The following COL2A1 variants were observed in gnomAD, a reference collection of about 807,000 sequenced individuals.
COL2A1 encodes the protein collagen alpha-1(II) chain.
A neutral mutation model predicts 204.5 loss-of-function variants in COL2A1; 28 were observed. The ratio of observed to expected loss-of-function variants is 0.14; its 90% CI spans 0.10 to 0.19. COL2A1 has a LOEUF of 0.19. Among genes scored for constraint, COL2A1 ranks in the 10% least tolerant of loss-of-function variants. The pLI, the probability that COL2A1 is intolerant of heterozygous loss-of-function variation, is 1.00. For missense variants in COL2A1, 1,388 were observed against 2,027.5 expected (o/e 0.68, Z 6.06); for synonymous variants, 708 against 718.7 (o/e 0.99, Z 0.24).
chr12:47,998,459 G>A, intron 2 of COL2A1, 28 bp from the exon 3 acceptor site: 1 of 1,605,600 alleles, frequency 6.2e-7, no homozygotes, highest in Non-Finnish European at 8.5e-7. Flanking sequence ...TAGAGAAGAA[G>A]AAGGTAAGAA....
At position 47,984,242 on chromosome 12, in the gene COL2A1, C is replaced by T; in HGVS notation, c.1888-102G>A. Reference sequence around the variant, plus strand: ...TACTTCTGGCCCAGAGTTTCCAGACCTCCACGGTACCCCAGCTGAGCTCCA... The same window carrying T: ...TACTTCTGGCCCAGAGTTTCCAGACTTCCACGGTACCCCAGCTGAGCTCCA... On this transcript the variant is annotated intron_variant, in intron 28 of 53. Transcript: ENST00000380518. The T allele has an allele frequency of 2.9e-6, 3 of 1,051,328 alleles. No individual in the cohort carries two copies. The South Asian group carries it at 4.1e-5, about 14-fold the overall frequency. The allele number at this position is 1,051,328 out of a possible 1,614,324, so 65.1% of individuals were successfully genotyped here.
At chr12:48,002,123 G>C (rs536096527) in intron 1 of COL2A1, among the ~76,000 whole-genome samples, 3 of 152,108 alleles carry the variant, frequency 2.0e-5, no homozygotes, top group African/African-American at 7.2e-5. Flanking sequence ...TCTCCGCGAG[G>C]AACCAGTTTA....
chr12:47,982,469 G>A lies in COL2A1; in HGVS notation c.2301+33C>T, dbSNP rs773409682. Reference sequence around the variant, plus strand: ...GGGGCAGGAATGTGGCAAAGCCACAGCTTTGGTGAGAGGCTGTAACCTCAG... The same window carrying A: ...GGGGCAGGAATGTGGCAAAGCCACAACTTTGGTGAGAGGCTGTAACCTCAG... On this transcript the variant is annotated intron_variant, in intron 34 of 53. Coordinates refer to ENST00000380518, the MANE Select transcript of COL2A1 (RefSeq NM_001844.5). The A allele has an allele frequency of 1.3e-5, 20 of 1,560,812 alleles. No individual in the cohort carries two copies. The South Asian group carries it at 2.2e-4, about 17-fold the overall frequency.
intron 31 of COL2A1, 119 bp from the exon 32 acceptor site, chr12:47,983,256 C>T (rs1939197077): frequency 1.3e-6 from 2 of 1,486,138 alleles, no homozygotes; most frequent in Non-Finnish European, 1.9e-6. Context: ...TCTGTGGAGG[C>T]TGGGACATGG....
At position 47,975,332 on chromosome 12, in the gene COL2A1, G is replaced by T; in HGVS notation, c.3871C>A (p.Pro1291Thr). 1 of 1,614,058 alleles carries T rather than the reference G, an allele frequency of 6.2e-7. No individual in the cohort carries two copies. Among genetic ancestry groups the T allele is most frequent in the Non-Finnish European group, 8.5e-7 (1 of 1,180,028 alleles). Residue 1291 changes from proline to threonine, a missense_variant, in exon 51 of 54, where the codon CCT (proline) becomes ACT (threonine). Physicochemically the swap from Pro to Thr is conservative, Grantham distance 38. Coordinates refer to ENST00000380518, the MANE Select transcript of COL2A1 (RefSeq NM_001844.5). The part of the protein sequence containing the change: ...RTCRDLKLCH[P>T]EWKSGDYWID... ...CCAAGCTTACCACTCTTCCACTCAGGGTGGCAGAGTTTCAGGTCTCTGCAG... is the reference window on the plus strand; with the variant it reads ...CCAAGCTTACCACTCTTCCACTCAGTGTGGCAGAGTTTCAGGTCTCTGCAG...
chr12:48,005,512 C>A (rs1940433622), upstream of COL2A1: 1 of 152,190 alleles, frequency 6.6e-6, no homozygotes, highest in South Asian at 2.1e-4. Context: ...TTCTGTGAGC[C>A]GGGGAGAAGC....
At position 47,979,507 on chromosome 12, in the gene COL2A1, T is replaced by C. The variant is rs1007771620; in HGVS notation, c.2733+4A>G. 3.7e-6 allele frequency: 6 copies of C among 1,613,322 alleles called. No homozygotes were observed. Among genetic ancestry groups the C allele is most frequent in the Non-Finnish European group, 8.5e-7 (1 of 1,179,824 alleles). On this transcript the variant is annotated splice_donor_region_variant and intron_variant, in intron 41 of 53. Coordinates refer to ENST00000380518, the MANE Select transcript of COL2A1 (RefSeq NM_001844.5). Reference sequence around the variant, plus strand: ...GTGCCTCTCATGCCAGGAGCATCACTTACATTGGAGCCTGGGGGTCCAACG... The same window carrying C: ...GTGCCTCTCATGCCAGGAGCATCACCTACATTGGAGCCTGGGGGTCCAACG...
At chr12:47,983,920 G>A in intron 29 of COL2A1, 167 bp downstream of exon 29, 2 of 913,766 alleles carry the variant, frequency 2.2e-6, no homozygotes, top group Non-Finnish European at 3.5e-6. Context: ...ACCAATGTGG[G>A]TCCACACAGC....
rs1489240592 is a variant in COL2A1 at position 47,977,378 on chromosome 12, G to A, written c.3215C>T (p.Pro1072Leu). 6.8e-6 allele frequency: 11 copies of A among 1,613,612 alleles called. No individual in the cohort carries two copies. The highest frequency in any genetic ancestry group is 4.2e-6 in the Non-Finnish European group (5 of 1,179,806). ...ACCAGCGGGGCCAGGGGAGCCAGGG[G>A]GCCCAGGGGCTCCAGGAGCTCCCAC... is the stretch of plus-strand genomic sequence containing the variant. ...GAVGAPGAPG[P>L]PGSPGPAGPT... The change falls in exon 46 of 54, where the codon CCC becomes CTC. Residue 1072 changes from proline (P) to leucine (L), a missense_variant. Physicochemically the swap from Pro to Leu is moderately conservative, Grantham distance 98 (BLOSUM62 -3). Around this residue, in one of 3 missense-constraint regions of COL2A1, gnomAD observed 884 missense variants for 1,415.8 expected, o/e 0.62. Transcript: ENST00000380518.
Position 47,992,938 on chromosome 12 carries a change from C to T in COL2A1, c.970-7G>A, listed in dbSNP as rs201805639. 25 of 1,614,106 alleles carry T rather than the reference C, an allele frequency of 1.5e-5. 1 individual carries two copies. The East Asian group carries it at 4.9e-4, about 32-fold the overall frequency. On this transcript the variant is annotated splice_polypyrimidine_tract_variant and splice_region_variant and intron_variant, in intron 15 of 53. Transcript: ENST00000380518. Reference sequence around the variant, plus strand: ...CAGGCAGGCCACGAGGACCCTGGAACACACACCAGGACAGCCTAAGCATGA... The same window carrying T: ...CAGGCAGGCCACGAGGACCCTGGAATACACACCAGGACAGCCTAAGCATGA...
intron 33 of COL2A1, 109 bp from the exon 34 acceptor site, chr12:47,982,718 C>T: frequency 8.1e-7 from 1 of 1,236,468 alleles, no homozygotes; most frequent in Non-Finnish European, 1.2e-6. Context: ...TTCCCTTCCT[C>T]CCATGTAGAC....
At position 47,992,891 on chromosome 12, in the gene COL2A1, G is replaced by A. The variant is rs1939771636; in HGVS notation, c.1010C>T (p.Pro337Leu). 1 of 1,614,090 alleles carries A rather than the reference G, an allele frequency of 6.2e-7. No individual in the cohort carries two copies. Among genetic ancestry groups the A allele is most frequent in the Admixed American group, 1.7e-5 (1 of 60,000 alleles). ...GLPGERGRTG[P>L]AGAAGARGND... is the part of the protein sequence containing the mutation. The stretch of plus-strand genomic sequence containing the variant: ...TCAATTACTCACCGCAGCGCCAGCA[G>A]GGCCAGTCCGTCCTCTTTCACCAGG... The change falls in exon 16 of 54, where the codon CCT becomes CTT. Residue 337 changes from proline to leucine, a missense_variant. Pro to Leu is a moderately conservative substitution (Grantham distance 98, BLOSUM62 -3). Coordinates refer to ENST00000380518, the MANE Select transcript of COL2A1 (RefSeq NM_001844.5).
At chr12:47,998,107 A>G (rs1196252469) in intron 4 of COL2A1, 43 bp from the exon 5 acceptor site, 2 of 1,614,106 alleles carry the variant, frequency 1.2e-6, no homozygotes, top group Non-Finnish European at 1.7e-6. Context: ...AGAGGAGAGC[A>G]CAAGGAAATG....
Position 48,004,323 on chromosome 12 carries a change from G to T in COL2A1, c.-2C>A, listed in dbSNP as rs1258409551. On this transcript the variant is annotated 5_prime_UTR_variant, in exon 1 of 54. Coordinates refer to ENST00000380518, the MANE Select transcript of COL2A1 (RefSeq NM_001844.5). ...CTGGGGAGCCCCGAGGCGAATCATG[G>T]CTCACCGCGGGGCCTGGCTGAGCCG... 4.5e-6 allele frequency: 7 copies of T among 1,541,042 alleles called. No individual in the cohort carries two copies. Among genetic ancestry groups the T allele is most frequent in the Admixed American group, 3.9e-5 (2 of 50,920 alleles).
intron 25 of COL2A1, 53 bp downstream of exon 25, chr12:47,985,675 C>G (rs1035834944): frequency 3.0e-5 from 49 of 1,610,856 alleles, no homozygotes; most frequent in Non-Finnish European, 4.0e-5. Flanking sequence ...AGGAGCCAGC[C>G]AGGAAGGGCC....
chr12:47,986,548 T>G (rs1173704315), intron 22 of COL2A1, 105 bp from the exon 23 acceptor site: 902 of 672,604 alleles, frequency 1.3e-3, no homozygotes, highest in South Asian at 2.2e-3. Context: ...GTTTCAGGGC[T>G]GGGGGGGGGC....
intron 35 of COL2A1, 106 bp from the exon 36 acceptor site, chr12:47,981,935 T>C (rs1939115894): frequency 7.5e-7 from 1 of 1,326,942 alleles, no homozygotes; most frequent in Non-Finnish European, 1.1e-6. Flanking sequence ...CCTCCAGAGC[T>C]CCCACTTACC....
Position 47,976,973 on chromosome 12 carries a change from C to G in COL2A1, c.3328-54G>C. ...CAGGTCAGGGCCAGGACAGGAGCCC[C>G]CTCCTGTCCCACCCAAGCTGAGGAA... On this transcript the variant is annotated intron_variant, in intron 47 of 53. Transcript: ENST00000380518. This position sits in a 1 kb window ranked among gnomAD's most constrained non-coding sequence, Gnocchi z 4.3. 1 of 1,518,352 alleles carries G rather than the reference C, an allele frequency of 6.6e-7. No homozygotes were observed. The highest frequency in any genetic ancestry group is 9.0e-7 in the Non-Finnish European group (1 of 1,109,668). 94.1% of individuals were successfully genotyped at this position (1,518,352 alleles called of 1,614,324 possible). A position where few individuals can be genotyped will look rare whatever the true frequency, so the allele number is the denominator to read the frequency against.
In COL2A1 at chr12:47,987,062, C is replaced by T. The variant is rs1939459668; in HGVS notation, c.1365+16G>A. 1 of 1,612,076 alleles carries T rather than the reference C, an allele frequency of 6.2e-7. No homozygotes were observed. Among genetic ancestry groups the T allele is most frequent in the East Asian group, 2.2e-5 (1 of 44,852 alleles). ...AGAGATGTCAGTGGAACTTGGGGGT[C>T]ACTTTGGGCTCTTACCGTCTGACCT... On this transcript the variant is annotated intron_variant, in intron 21 of 53. Transcript: ENST00000380518. This position sits in a 1 kb window ranked among gnomAD's most constrained non-coding sequence, Gnocchi z 4.1.
Sources: allele counts gnomAD v4.1 joint callset (sites outside exome capture counted in the v4.1 genomes callset), GRCh38; gene constraint gnomAD v4.1.1; regional missense constraint gnomAD v4.1.1; non-coding constraint Gnocchi (gnomAD v3.1); transcripts MANE v1.5; gene names NCBI Gene and HGNC (gene_info 2026-07-23, HGNC 2026-07-21).